HEATR5A: variants seen among roughly 807,000 people sequenced by gnomAD.
HEATR5A encodes the protein HEAT repeat-containing protein 5A.
In HEATR5A, 178 loss-of-function variants were observed where a neutral mutation model predicts 218.8. The observed-to-expected ratio is 0.81, with a 90% CI of 0.72 to 0.92. The LOEUF is 0.92. Among genes scored for constraint, HEATR5A ranks in the 40% least tolerant of loss-of-function variants. HEATR5A has a pLI of 0.00. For synonymous variants in HEATR5A, 864 were observed against 871.6 expected, an observed-to-expected ratio of 0.99 and a Z score of 0.15; for missense variants, 2,420 against 2,418.9, an observed-to-expected ratio of 1.00 and a Z score of -0.01.
intron 13 of HEATR5A, among the ~76,000 whole-genome samples, chr14:31,367,849 C>T (rs1901863683): frequency 6.6e-6 from 1 of 151,990 alleles, no homozygotes; most frequent in African/African-American, 2.4e-5. Flanking sequence ...TATAAATAAA[C>T]ACACCAATAG....
chr14:31,404,675 G>A (rs1173900315), intron 1 of HEATR5A, among the ~76,000 whole-genome samples: 1 of 151,830 alleles, frequency 6.6e-6, no homozygotes, highest in Non-Finnish European at 1.5e-5. Context: ...GGGTAGCTGA[G>A]GCAGAAGGAT....
intron 1 of HEATR5A, among the ~76,000 whole-genome samples, chr14:31,418,922 C>G (rs2031547013): frequency 6.6e-6 from 1 of 151,868 alleles, no homozygotes; most frequent in African/African-American, 2.4e-5. Flanking sequence ...TGGTTAAAGA[C>G]AAGTAAAAAA....
intron 16 of HEATR5A, among the ~76,000 whole-genome samples, chr14:31,353,306 T>C (rs1027974386): frequency 3.9e-5 from 6 of 152,242 alleles, no homozygotes; most frequent in African/African-American, 1.4e-4. Flanking sequence ...AACTATTATA[T>C]GGTTTTACTA....
chr14:31,387,460 AT>A, intron 7 of HEATR5A, 85 bp from the exon 8 acceptor site: 1 of 971,460 alleles, frequency 1.0e-6, no homozygotes, highest in South Asian at 1.8e-5. Flanking sequence ...ATTTATTAAT[AT>A]TTTTCTTATT....
chr14:31,329,110 T>C (rs1473461688), intron 22 of HEATR5A, among the ~76,000 whole-genome samples: 5 of 152,104 alleles, frequency 3.3e-5, no homozygotes, highest in Non-Finnish European at 1.5e-5. Context: ...ACTGTCCCCA[T>C]GATCCATTTA....
At chr14:31,395,370 A>T (rs1319589907) in intron 4 of HEATR5A, 22 bp from the exon 5 acceptor site, 3 of 1,330,854 alleles carry the variant, frequency 2.3e-6, no homozygotes, top group Non-Finnish European at 3.1e-6. Context: ...AAAAAAAATT[A>T]AATAGGAAAA....
intron 28 of HEATR5A, among the ~76,000 whole-genome samples, chr14:31,311,609 C>T (rs75122700): frequency 4.0e-3 from 608 of 151,790 alleles, no homozygotes; most frequent in African/African-American, 0.014. Flanking sequence ...AAGAAAAGGA[C>T]AAGTTACAGA....
At chr14:31,323,495 A>C in intron 24 of HEATR5A, 70 bp downstream of exon 24, 1 of 1,224,862 alleles carries the variant, frequency 8.2e-7, no homozygotes, top group Non-Finnish European at 1.1e-6. Context: ...TAATATTTTA[A>C]ATATTAAAAC....
chr14:31,320,582 G>T, intron 25 of HEATR5A: 1 of 788,108 alleles, frequency 1.3e-6, no homozygotes, highest in East Asian at 2.6e-5. Flanking sequence ...TAGACCCCTG[G>T]TACAACAGCA....
chr14:31,319,154 T>C (rs2139161034), intron 25 of HEATR5A, among the ~76,000 whole-genome samples: 1 of 152,108 alleles, frequency 6.6e-6, no homozygotes, highest in Admixed American at 6.6e-5. Flanking sequence ...ATAATAGTTC[T>C]TTTTTTTCTT....
At chr14:31,307,052 C>G (rs1248467072) in intron 30 of HEATR5A, among the ~76,000 whole-genome samples, 173 bp from the exon 31 acceptor site, 2 of 152,154 alleles carry the variant, frequency 1.3e-5, no homozygotes, top group African/African-American at 4.8e-5. Flanking sequence ...AGGCCGGGCA[C>G]AGTGGCTCAT....
intron 25 of HEATR5A, chr14:31,320,453 CG>C: frequency 7.3e-7 from 1 of 1,361,258 alleles, no homozygotes; most frequent in Non-Finnish European, 1.0e-6. Flanking sequence ...GTCAGTGTCC[CG>C]GGAGACAACA....
intron 32 of HEATR5A, 93 bp downstream of exon 32, chr14:31,304,811 AT>A: frequency 7.9e-7 from 1 of 1,270,690 alleles, no homozygotes; most frequent in East Asian, 2.4e-5. Flanking sequence ...GTCAGCATTC[AT>A]TTAAAAAGAA....
At chr14:31,379,930 C>T (rs1195406370) in intron 11 of HEATR5A, among the ~76,000 whole-genome samples, 3 of 152,124 alleles carry the variant, frequency 2.0e-5, no homozygotes, top group African/African-American at 7.2e-5. Flanking sequence ...TGCACTCCAG[C>T]TCGTGTGACA....
intron 4 of HEATR5A, among the ~76,000 whole-genome samples, chr14:31,396,541 G>T (rs1357824612): frequency 6.6e-6 from 1 of 152,208 alleles, no homozygotes; most frequent in Non-Finnish European, 1.5e-5. Context: ...GGCCACTGAA[G>T]GTAGAGAAGT....
chr14:31,316,049 G>A lies in HEATR5A; in HGVS notation c.4039-100C>T, dbSNP rs1899901437. The A allele has an allele frequency of 1.4e-5, 12 of 863,324 alleles. No individual in the cohort carries two copies. The South Asian group carries it at 2.3e-4, about 17-fold the overall frequency. The allele number at this position is 863,324 out of a possible 1,614,324, so 53.5% of individuals were successfully genotyped here. A position where few individuals can be genotyped will look rare whatever the true frequency, so the allele number is the denominator to read the frequency against. On this transcript the variant is annotated intron_variant, in intron 26 of 35. Transcript: ENST00000543095. Reference sequence around the variant, plus strand: ...CTGTAATCCCAGCACTTTGGGAGGTGACGCAGGCAGATCGCTTGAGCCCAG... The same window carrying A: ...CTGTAATCCCAGCACTTTGGGAGGTAACGCAGGCAGATCGCTTGAGCCCAG...
intron 14 of HEATR5A, among the ~76,000 whole-genome samples, chr14:31,360,465 C>A (rs1901582140): frequency 6.6e-6 from 1 of 152,082 alleles, no homozygotes; most frequent in Non-Finnish European, 1.5e-5. Context: ...ACACAGGAGA[C>A]AACATATGGT....
rs115116344 is a variant in HEATR5A, at chr14:31,402,372, G to C, written c.126+478C>G. On this transcript the variant is annotated intron_variant, in intron 2 of 35. Coordinates refer to ENST00000543095, the MANE Select transcript of HEATR5A (RefSeq NM_015473.4). ...ATTGCTGAATGTAGGTGAAGGGTATGAGTGATCAGTTTTCCTTTTTCACAC... is the reference window on the plus strand; with the variant it reads ...ATTGCTGAATGTAGGTGAAGGGTATCAGTGATCAGTTTTCCTTTTTCACAC... Among the ~76,000 whole-genome samples the C allele has an allele frequency of 7.0e-3, 1,060 of 152,322 alleles. 10 individuals are homozygous for C. The highest frequency in any genetic ancestry group is 0.024 in the African/African-American group (1,000 of 41,566).
chr14:31,400,639 T>C lies in HEATR5A; in HGVS notation c.127-127A>G. 3 of 644,750 alleles carry C rather than the reference T, an allele frequency of 4.7e-6. No homozygotes were observed. In the South Asian group the frequency reaches 7.1e-5, roughly 15 times the overall value. The allele number at this position is 644,750 out of a possible 1,614,324, so 39.9% of individuals were successfully genotyped here. A position where few individuals can be genotyped will look rare whatever the true frequency, so the allele number is the denominator to read the frequency against. ...TAGAAAAATACAAACTTACTTTGAC[T>C]GGAAGTTACAAATAAGTTGGTAGTG... On this transcript the variant is annotated intron_variant, in intron 2 of 35. Coordinates refer to ENST00000543095, the MANE Select transcript of HEATR5A (RefSeq NM_015473.4).
Sources: gnomAD v4.1 joint callset for allele counts (sites outside exome capture counted in the v4.1 genomes callset) on GRCh38, gnomAD v4.1.1 for gene constraint, MANE v1.5 for transcripts, NCBI Gene and HGNC (gene_info 2026-07-23, HGNC 2026-07-21) for gene names.